XIRP2: variants seen among roughly 807,000 people sequenced by gnomAD.
XIRP2 encodes the protein xin actin-binding repeat-containing protein 2.
Under a neutral mutation model 277.0 loss-of-function variants are expected in XIRP2, and 236 were observed. The ratio of observed to expected loss-of-function variants is 0.85; its 90% CI spans 0.77 to 0.95. XIRP2 has a LOEUF of 0.95. Ranked by LOEUF, XIRP2 falls within the 40% of genes least tolerant of loss-of-function variation. XIRP2 has a pLI of 0.00. For missense variants in XIRP2, 4,640 were observed against 4,157.5 expected (o/e 1.12, Z -3.19); for synonymous variants, 1,490 against 1,416.5 (o/e 1.05, Z -1.17).
chr2:167,251,182 A>G lies in XIRP2; in HGVS notation c.9790A>G (p.Lys3264Glu). Residue 3264 changes from lysine to glutamate, a missense_variant, in exon 9 of 11, where the codon AAA becomes GAA. By Grantham distance (56) the Lys-to-Glu change is moderately conservative. Transcript: ENST00000409195. Reference sequence around the variant, plus strand: ...TGTGGACGCTCAAGAGGAAATCAGGAAAGTGGAGAAGAGAGCTACTTATGT... The same window carrying G: ...TGTGGACGCTCAAGAGGAAATCAGGGAAGTGGAGAAGAGAGCTACTTATGT... Reference protein sequence around the residue: ...ESVDAQEEIRKVEKRATYVHK... With the variant: ...ESVDAQEEIREVEKRATYVHK... The G allele has an allele frequency of 6.2e-7, 1 of 1,613,536 alleles. No individual in the cohort carries two copies. Among genetic ancestry groups the G allele is most frequent in the Admixed American group, 1.7e-5 (1 of 59,966 alleles).
At chr2:167,232,618 T>C (rs983771808) in intron 5 of XIRP2, among the ~76,000 whole-genome samples, 5 of 151,968 alleles carry the variant, frequency 3.3e-5, no homozygotes, top group African/African-American at 1.2e-4. Context: ...CTGACACAAG[T>C]GTGCAATAAA....
At chr2:167,092,778 C>CT (rs1690183200) in intron 2 of XIRP2, among the ~76,000 whole-genome samples, 1 of 152,040 alleles carries the variant, frequency 6.6e-6, no homozygotes, top group African/African-American at 2.4e-5. Flanking sequence ...GTGGTCAAAA[C>CT]TGATGATTAT....
intron 2 of XIRP2, among the ~76,000 whole-genome samples, chr2:167,070,037 A>C (rs553880411): frequency 6.6e-6 from 1 of 151,952 alleles, no homozygotes; most frequent in African/African-American, 2.4e-5. Context: ...AACTACCTAC[A>C]TGCCTGAACT....
In XIRP2 at chr2:167,089,809, C is replaced by T. The variant is rs1485309529; in HGVS notation, c.409-46100C>T. On this transcript the variant is annotated intron_variant, in intron 2 of 10. Coordinates refer to ENST00000409195, the MANE Select transcript of XIRP2 (RefSeq NM_152381.6). ...AAAGTTCTATCGAAACGCAGCTATG[C>T]CCATTTGTTTATGTATTATCTAAAA... Among the ~76,000 whole-genome samples, 2 of 152,042 alleles carry T rather than the reference C, an allele frequency of 1.3e-5. 1 individual carries two copies. Among genetic ancestry groups the T allele is most frequent in the African/African-American group, 4.8e-5 (2 of 41,356 alleles).
chr2:167,135,802 G>A, intron 2 of XIRP2, 107 bp from the exon 3 acceptor site: 1 of 1,123,206 alleles, frequency 8.9e-7, no homozygotes, highest in Non-Finnish European at 1.2e-6. Context: ...CATCCCTCAT[G>A]ACAGAAATCC....
At position 167,251,915 on chromosome 2, in the gene XIRP2, C is replaced by A; in HGVS notation, c.10523C>A (p.Thr3508Asn). ...TADASATEMRTTFQEESAFIS... is the reference protein window; with the variant it reads ...TADASATEMRNTFQEESAFIS... ...GATGCTTCTGCAACTGAGATGAGAA[C>A]CACCTTCCAAGAGGAATCTGCATTT... Residue 3508 changes from threonine to asparagine, a missense_variant, in exon 9 of 11, where the codon ACC becomes AAC. Thr to Asn is a moderately conservative substitution (Grantham distance 65). Transcript: ENST00000409195. 4 of 1,575,104 alleles carry A rather than the reference C, an allele frequency of 2.5e-6. No homozygotes were observed. The highest frequency in any genetic ancestry group is 2.2e-5 in the East Asian group (1 of 44,702).
chr2:167,101,136 G>C (rs1471952550), intron 2 of XIRP2, among the ~76,000 whole-genome samples: 1 of 152,074 alleles, frequency 6.6e-6, no homozygotes, highest in Non-Finnish European at 1.5e-5. Context: ...CAAGTACTAT[G>C]ACACATTTCA....
intron 3 of XIRP2, among the ~76,000 whole-genome samples, chr2:167,181,290 C>T (rs1461503156): frequency 6.6e-6 from 1 of 152,128 alleles, no homozygotes; most frequent in Non-Finnish European, 1.5e-5. Flanking sequence ...CCAAGCCTCT[C>T]TCTATTATTT....
chr2:167,107,578 G>A (rs1558982597), intron 2 of XIRP2, among the ~76,000 whole-genome samples: 1 of 151,010 alleles, frequency 6.6e-6, no homozygotes, highest in Non-Finnish European at 1.5e-5. Context: ...TACCTATTTT[G>A]TATATTAAAA....
intron 2 of XIRP2, among the ~76,000 whole-genome samples, chr2:167,068,485 T>C (rs1224950241): frequency 1.3e-5 from 2 of 152,332 alleles, no homozygotes; most frequent in East Asian, 3.9e-4. Flanking sequence ...TAACAAACAG[T>C]GTGTACAAAT....
intron 2 of XIRP2, among the ~76,000 whole-genome samples, chr2:167,012,715 GA>G (rs200567915): frequency 0.011 from 1,738 of 151,566 alleles, 33 homozygotes; most frequent in African/African-American, 0.04. Flanking sequence ...TTTCTTCATT[GA>G]AATCATATGC....
intron 1 of XIRP2, chr2:166,889,644 T>G (rs748808109): frequency 6.5e-6 from 1 of 152,888 alleles, no homozygotes; most frequent in Non-Finnish European, 1.5e-5. Context: ...TGGCTTGCTC[T>G]GTCTCTCCTG....
intron 3 of XIRP2, among the ~76,000 whole-genome samples, chr2:167,201,247 A>AGAGAGAGAGAGGGAG (rs1559018345): frequency 7.7e-6 from 1 of 129,612 alleles, no homozygotes; most frequent in African/African-American, 3.3e-5. Flanking sequence ...AGAAAGAAAG[A>AGAGAGAGAGAGGGAG]AAGAAAGAAA....
At chr2:166,899,873 G>A (rs1167393524) in intron 1 of XIRP2, among the ~76,000 whole-genome samples, 4 of 151,996 alleles carry the variant, frequency 2.6e-5, no homozygotes, top group African/African-American at 7.2e-5. Context: ...GTGCATTACC[G>A]TCCTATGCCA....
chr2:166,912,853 G>C (rs932353013), intron 2 of XIRP2, among the ~76,000 whole-genome samples: 1 of 133,746 alleles, frequency 7.5e-6, no homozygotes, highest in Admixed American at 7.8e-5. Flanking sequence ...AGGTCTGTTG[G>C]AGTTTGCTGG....
chr2:167,063,213 C>T (rs1689215436), intron 2 of XIRP2, among the ~76,000 whole-genome samples: 1 of 151,700 alleles, frequency 6.6e-6, no homozygotes, highest in Admixed American at 6.6e-5. Flanking sequence ...TGAGCATTTC[C>T]CAGAAATCTT....
At position 167,243,227 on chromosome 2, in the gene XIRP2, G is replaced by A. The variant is rs749248970; in HGVS notation, c.1835G>A (p.Gly612Asp). 36 of 1,613,960 alleles carry A rather than the reference G, an allele frequency of 2.2e-5. No homozygotes were observed. Among genetic ancestry groups the A allele is most frequent in the Admixed American group, 6.7e-5 (4 of 60,000 alleles). Residue 612 changes from glycine (G) to aspartate (D), a missense_variant, in exon 9 of 11, where the codon GGT (glycine) becomes GAT (aspartate). By Grantham distance (94) the Gly-to-Asp change is moderately conservative. Coordinates refer to ENST00000409195, the MANE Select transcript of XIRP2 (RefSeq NM_152381.6). Reference sequence around the variant, plus strand: ...GCTGATCAAGAAATCATTGCTGGTGGTGATGTGAAATATACCACATGGATG... The same window carrying A: ...GCTGATCAAGAAATCATTGCTGGTGATGATGTGAAATATACCACATGGATG... ...GIADQEIIAG[G>D]DVKYTTWMFE...
chr2:167,029,703 G>T (rs189368302), intron 2 of XIRP2, among the ~76,000 whole-genome samples: 1 of 152,208 alleles, frequency 6.6e-6, no homozygotes. Flanking sequence ...TTTGGTATCA[G>T]GATGATGCTG....
At chr2:166,894,724 C>T (rs991331312) in intron 1 of XIRP2, among the ~76,000 whole-genome samples, 7 of 152,158 alleles carry the variant, frequency 4.6e-5, no homozygotes, top group South Asian at 2.1e-4. Context: ...GTGTTAGAAG[C>T]GAAGGATAAA....
Sources: gnomAD v4.1 joint callset for allele counts (sites outside exome capture counted in the v4.1 genomes callset) on GRCh38, gnomAD v4.1.1 for gene constraint, MANE v1.5 for transcripts, NCBI Gene and HGNC (gene_info 2026-07-23, HGNC 2026-07-21) for gene names.